PXDNL: variants seen among roughly 807,000 people sequenced by gnomAD.
The protein encoded by PXDNL is probable oxidoreductase PXDNL.
PXDNL carries 145 observed loss-of-function variants against 150.8 expected under a neutral mutation model. The observed-to-expected ratio is 0.96, with a 90% CI of 0.84 to 1.10. The LOEUF is 1.10. PXDNL is among the 50% of genes least tolerant of loss of function. The probability of loss-of-function intolerance (pLI) is 0.00; values close to 1 mark genes in which losing one functional copy is unlikely to be tolerated. For missense variants in PXDNL, 2,087 were observed against 1,873.9 expected (o/e 1.11, Z -2.10); for synonymous variants, 757 against 725.7 (o/e 1.04, Z -0.69).
chr8:51,413,099 G>C (rs1328085361), intron 15 of PXDNL, 51 bp downstream of exon 15: 4 of 1,134,714 alleles, frequency 3.5e-6, no homozygotes, highest in East Asian at 2.4e-5. Context: ...TAAAAACTAA[G>C]TAGAACAGAA....
chr8:51,670,002 C>G (rs1358231866), intron 1 of PXDNL, among the ~76,000 whole-genome samples: 1 of 152,094 alleles, frequency 6.6e-6, no homozygotes, highest in Non-Finnish European at 1.5e-5. Flanking sequence ...TTTGGGAGGC[C>G]AAGGTGGGCA....
intron 2 of PXDNL, among the ~76,000 whole-genome samples, chr8:51,633,243 T>C (rs931888826): frequency 5.3e-5 from 8 of 152,230 alleles, no homozygotes; most frequent in Admixed American, 3.9e-4. Context: ...TTCTCTTTTG[T>C]GGATGCATAG....
At chr8:51,689,647 A>G (rs1427835505) in intron 1 of PXDNL, among the ~76,000 whole-genome samples, 1 of 152,088 alleles carries the variant, frequency 6.6e-6, no homozygotes, top group Non-Finnish European at 1.5e-5. Flanking sequence ...GAAGGAAGAG[A>G]AGACAGACCA....
rs539770373 is a variant in PXDNL at position 51,571,724 on chromosome 8, T to A, written c.309-14813A>T. On this transcript the variant is annotated intron_variant, in intron 3 of 22. Transcript: ENST00000356297. ...TATCATAGGACAGAAATGTGAGTTTTGACTCAGTTATGGAATGCTCAGAAT... is the reference window on the plus strand; with the variant it reads ...TATCATAGGACAGAAATGTGAGTTTAGACTCAGTTATGGAATGCTCAGAAT... Among the ~76,000 whole-genome samples, 4 of 152,010 alleles carry A rather than the reference T, an allele frequency of 2.6e-5. No individual in the cohort carries two copies. In the East Asian group the frequency reaches 5.8e-4, roughly 22 times the overall value.
chr8:51,711,205 A>G (rs1816490224), intron 1 of PXDNL, among the ~76,000 whole-genome samples: 1 of 152,150 alleles, frequency 6.6e-6, no homozygotes, highest in African/African-American at 2.4e-5. Flanking sequence ...CAATGGTGCA[A>G]TCTTGGCTCA....
At chr8:51,511,961 A>C (rs1811430458) in intron 4 of PXDNL, among the ~76,000 whole-genome samples, 1 of 152,226 alleles carries the variant, frequency 6.6e-6, no homozygotes, top group Admixed American at 6.5e-5. Flanking sequence ...AAAAGACTTC[A>C]GTTGAATTTT....
intron 2 of PXDNL, among the ~76,000 whole-genome samples, chr8:51,630,029 T>C (rs1814458846): frequency 6.6e-6 from 1 of 151,960 alleles, no homozygotes; most frequent in Non-Finnish European, 1.5e-5. Context: ...ATTATCCAAC[T>C]TCAAACTATA....
intron 1 of PXDNL, among the ~76,000 whole-genome samples, chr8:51,701,288 C>G (rs924612468): frequency 6.6e-6 from 1 of 152,018 alleles, no homozygotes; most frequent in African/African-American, 2.4e-5. Flanking sequence ...TGGATGCAGG[C>G]GAATTTCAAA....
chr8:51,645,493 G>A (rs1814899138), intron 2 of PXDNL, among the ~76,000 whole-genome samples: 1 of 152,172 alleles, frequency 6.6e-6, no homozygotes, highest in African/African-American at 2.4e-5. Context: ...GGTAAAAAGA[G>A]ACAGGGAGAC....
intron 20 of PXDNL, chr8:51,340,063 G>A (rs1805944276): frequency 5.8e-6 from 1 of 172,702 alleles, no homozygotes; most frequent in East Asian, 1.6e-4. Flanking sequence ...AGACCTTAAA[G>A]TATTTCTTTT....
chr8:51,419,810 GA>G (rs1232361834), intron 14 of PXDNL, among the ~76,000 whole-genome samples: 2 of 151,836 alleles, frequency 1.3e-5, no homozygotes, highest in Non-Finnish European at 2.9e-5. Flanking sequence ...ATATTATCTA[GA>G]AAAAAAGAGA....
rs754594831 is a variant in PXDNL at position 51,426,688 on chromosome 8, A to C, written c.1596T>G (p.Cys532Trp). 57 of 1,608,356 alleles carry C rather than the reference A, an allele frequency of 3.5e-5. 1 individual carries two copies. The East Asian group carries it at 1.2e-3, about 33-fold the overall frequency. Residue 532 changes from cysteine (C) to tryptophan (W), a missense_variant, in exon 13 of 23, where the codon TGT becomes TGG. Physicochemically the swap from Cys to Trp is radical, Grantham distance 215. Coordinates refer to ENST00000356297, the MANE Select transcript of PXDNL (RefSeq NM_144651.5). ...VEVGKNINISCHAQGEPQPII... is the reference protein window; with the variant it reads ...VEVGKNINISWHAQGEPQPII... ...TGGGCTGTGGTTCTCCTTGAGCATG[A>C]CATGAAATGTTTATATTCTTTCCAA...
chr8:51,663,591 T>C (rs1815320796), intron 1 of PXDNL, among the ~76,000 whole-genome samples: 1 of 152,094 alleles, frequency 6.6e-6, no homozygotes, highest in Non-Finnish European at 1.5e-5. Flanking sequence ...CATCTGAAAG[T>C]AAGGAGAACA....
intron 6 of PXDNL, among the ~76,000 whole-genome samples, chr8:51,475,388 T>C (rs904301481): frequency 6.6e-6 from 1 of 151,512 alleles, no homozygotes; most frequent in Non-Finnish European, 1.5e-5. Context: ...AAAGTGGTTT[T>C]CCCTTAATGT....
intron 2 of PXDNL, among the ~76,000 whole-genome samples, chr8:51,595,694 T>A (rs973792550): frequency 3.9e-5 from 6 of 151,960 alleles, no homozygotes; most frequent in African/African-American, 1.5e-4. Flanking sequence ...TATTCTGGAG[T>A]GATTTGCATA....
At chr8:51,432,274 GT>G (rs1178845374) in intron 12 of PXDNL, among the ~76,000 whole-genome samples, 3 of 152,136 alleles carry the variant, frequency 2.0e-5, no homozygotes, top group African/African-American at 7.2e-5. Context: ...ATACATACGG[GT>G]TTTTTGTCTC....
At chr8:51,575,297 T>A in intron 3 of PXDNL, among the ~76,000 whole-genome samples, 1 of 150,646 alleles carries the variant, frequency 6.6e-6, no homozygotes, top group African/African-American at 2.4e-5. Flanking sequence ...TTCTAAAAAA[T>A]GTACAAGTAA....
At position 51,539,010 on chromosome 8, in the gene PXDNL, A is replaced by T. The variant is rs75726538; in HGVS notation, c.380+17830T>A. On this transcript the variant is annotated intron_variant, in intron 4 of 22. Transcript: ENST00000356297. ...CATTAGAATCTCCAATAAAATACTG[A>T]GTTGAAATCGTGTAAGCAGACATCT... Among the ~76,000 whole-genome samples the T allele has an allele frequency of 8.7e-3, 1,324 of 152,152 alleles. 37 individuals are homozygous for T. Among genetic ancestry groups the T allele is most frequent in the East Asian group, 0.079 (409 of 5,178 alleles).
chr8:51,451,527 T>C (rs1029855488), intron 10 of PXDNL, among the ~76,000 whole-genome samples: 1 of 152,184 alleles, frequency 6.6e-6, no homozygotes, highest in Admixed American at 6.5e-5. Flanking sequence ...AAATCTAAAA[T>C]TCTGGCTACT....
Sources: gnomAD v4.1 joint callset for allele counts (sites outside exome capture counted in the v4.1 genomes callset) on GRCh38, gnomAD v4.1.1 for gene constraint, MANE v1.5 for transcripts, NCBI Gene and HGNC (gene_info 2026-07-23, HGNC 2026-07-21) for gene names.